Variants in SPTBN1 observed in about 807,000 individuals in gnomAD.
SPTBN1 encodes spectrin beta chain, non-erythrocytic 1.
In SPTBN1, 32 loss-of-function variants were observed where a neutral mutation model predicts 266.4. That is an observed-to-expected ratio of 0.12 (90% CI 0.09 to 0.16). The LOEUF is 0.16. Ranked by LOEUF, SPTBN1 falls within the 10% of genes least tolerant of loss-of-function variation. The pLI is 1.00. For missense variants in SPTBN1, 2,296 were observed against 3,067.1 expected (o/e 0.75, Z 5.94); for synonymous variants, 1,336 against 1,162.2 (o/e 1.15, Z -3.04).
Position 54,558,388 on chromosome 2 carries a change from G to C in SPTBN1, c.148+31822G>C, listed in dbSNP as rs1027359481. On this transcript the variant is annotated intron_variant, in intron 2 of 35. Coordinates refer to ENST00000356805, the MANE Select transcript of SPTBN1 (RefSeq NM_003128.3). This position sits in a 1 kb window ranked among gnomAD's most constrained non-coding sequence, Gnocchi z 4.6. ...AACCGGCGGCCGCCGCGGGCAGCTG[G>C]GAGGAGGTGTGCGCGCTGCGCCCGC... 5 of 1,008,920 alleles carry C rather than the reference G, an allele frequency of 5.0e-6. No homozygotes were observed. The highest frequency in any genetic ancestry group is 5.9e-6 in the Non-Finnish European group (5 of 845,204). The allele number at this position is 1,008,920 out of a possible 1,614,324, so 62.5% of individuals were successfully genotyped here. A position where few individuals can be genotyped will look rare whatever the true frequency, so the allele number is the denominator to read the frequency against.
At chr2:54,633,433 G>GTGTCTGTC (rs35720306) in intron 17 of SPTBN1, among the ~76,000 whole-genome samples, 6,445 of 151,770 alleles carry the variant, frequency 0.042, 430 homozygotes, top group African/African-American at 0.14. Context: ...GTGCGTGTGT[G>GTGTCTGTC]TGTCTGTCTG....
At chr2:54,560,483 T>TGCTC (rs1466467226) in intron 2 of SPTBN1, among the ~76,000 whole-genome samples, 2 of 152,088 alleles carry the variant, frequency 1.3e-5, no homozygotes, top group Non-Finnish European at 2.9e-5. Context: ...GTTTTAAAAC[T>TGCTC]GCTCGCCGAG....
intron 19 of SPTBN1, among the ~76,000 whole-genome samples, chr2:54,643,873 T>C (rs145292417): frequency 5.5e-4 from 84 of 152,132 alleles, no homozygotes; most frequent in Middle Eastern, 3.4e-3. Context: ...ATCGCAGCTA[T>C]TGGGGAGGCT....
chr2:54,526,578 A>G lies in SPTBN1; in HGVS notation c.148+12A>G. The G allele has an allele frequency of 6.2e-7, 1 of 1,609,996 alleles. No individual in the cohort carries two copies. Among genetic ancestry groups the G allele is most frequent in the Non-Finnish European group, 8.5e-7 (1 of 1,177,532 alleles). Reference sequence around the variant, plus strand: ...CAAGGCTCTGGCAGGTGAGTCCTTCACACCTGTCACAGAGGCCCAGGATGC... The same window carrying G: ...CAAGGCTCTGGCAGGTGAGTCCTTCGCACCTGTCACAGAGGCCCAGGATGC... On this transcript the variant is annotated intron_variant, in intron 2 of 35. Coordinates refer to ENST00000356805, the MANE Select transcript of SPTBN1 (RefSeq NM_003128.3).
At chr2:54,529,457 AAG>A in intron 2 of SPTBN1, 1 of 713,546 alleles carries the variant, frequency 1.4e-6, no homozygotes. Context: ...CCACAAAAAA[AAG>A]AAGATCCGCA....
Position 54,626,183 on chromosome 2 carries a change from G to C in SPTBN1, c.1593G>C (p.Gln531His). Reference sequence around the variant, plus strand: ...GGCTCGAGATGAACCTGGGGCTGCAGAAGATATTCCAGGAAATGCTCTACA... The same window carrying C: ...GGCTCGAGATGAACCTGGGGCTGCACAAGATATTCCAGGAAATGCTCTACA... The part of the protein sequence containing the change: ...RQRLEMNLGL[Q>H]KIFQEMLYIM... Residue 531 changes from glutamine to histidine, a missense_variant, in exon 12 of 36, where the codon CAG (glutamine) becomes CAC (histidine). Physicochemically the swap from Gln to His is conservative, Grantham distance 24. This residue lies in a region of SPTBN1 where 434 missense variants were observed against 573.9 expected (regional missense o/e 0.76). Transcript: ENST00000356805. This position sits in a 1 kb window ranked among gnomAD's most constrained non-coding sequence, Gnocchi z 4.7. 1 of 1,614,218 alleles carries C rather than the reference G, an allele frequency of 6.2e-7. No homozygotes were observed. Among genetic ancestry groups the C allele is most frequent in the Non-Finnish European group, 8.5e-7 (1 of 1,180,050 alleles).
chr2:54,499,746 C>G (rs1669150635), intron 1 of SPTBN1, among the ~76,000 whole-genome samples: 1 of 152,188 alleles, frequency 6.6e-6, no homozygotes, highest in Admixed American at 6.5e-5. Context: ...TTCACATCTG[C>G]ACATGATTAT....
chr2:54,631,290 C>G lies in SPTBN1; in HGVS notation c.3243C>G (p.Thr1081=). Residue 1081 remains threonine, a synonymous_variant, in exon 16 of 36, where the codon ACC becomes ACG. Transcript: ENST00000356805. The part of the protein sequence containing the change: ...LDDFQSWLSR[T]QTAIASEDMP... The stretch of plus-strand genomic sequence containing the variant: ...ACTTCCAGTCCTGGCTCTCTAGGAC[C>G]CAGACAGCGATCGCCTCGGAGGACA... 1 of 1,614,200 alleles carries G rather than the reference C, an allele frequency of 6.2e-7. No individual in the cohort carries two copies.
chr2:54,627,936 C>T (rs1558443097), intron 12 of SPTBN1, among the ~76,000 whole-genome samples, 161 bp from the exon 13 acceptor site: 1 of 152,070 alleles, frequency 6.6e-6, no homozygotes, highest in Non-Finnish European at 1.5e-5. Flanking sequence ...TTGTTTTGTT[C>T]TGGTTTGTTG....
At chr2:54,629,827 C>T in intron 14 of SPTBN1, 24 bp downstream of exon 14, 1 of 1,611,382 alleles carries the variant, frequency 6.2e-7, no homozygotes, top group Admixed American at 1.7e-5. Flanking sequence ...TGGTCAGCCA[C>T]TGGCCTGTTC....
intron 1 of SPTBN1, among the ~76,000 whole-genome samples, chr2:54,518,671 A>G (rs2104273552): frequency 6.6e-6 from 1 of 152,300 alleles, no homozygotes. Context: ...TGTTTGCAGA[A>G]CATTTGGGTC....
intron 2 of SPTBN1, among the ~76,000 whole-genome samples, chr2:54,530,093 C>T (rs1671125926): frequency 6.6e-6 from 1 of 152,040 alleles, no homozygotes; most frequent in Non-Finnish European, 1.5e-5. Flanking sequence ...TCCTGTGTCC[C>T]TCTAGGGCTT....
intron 2 of SPTBN1, among the ~76,000 whole-genome samples, chr2:54,576,576 C>G (rs1282409419): frequency 6.6e-6 from 1 of 152,192 alleles, no homozygotes; most frequent in Non-Finnish European, 1.5e-5. Flanking sequence ...TGATGCGCCA[C>G]AGCTGCCTGG....
rs911127108 is a variant in SPTBN1, at chr2:54,645,166, T to G, written c.4270-63T>G. 1.1e-5 allele frequency: 17 copies of G among 1,575,782 alleles called. No individual in the cohort carries two copies. The highest frequency in any genetic ancestry group is 3.4e-5 in the Admixed American group (2 of 59,474). ...CAAGTCCCAGGCCCAGCAGTTCTGC[T>G]TAGAGCCAGTCACTGCAAAAGATAG... is the stretch of plus-strand genomic sequence containing the variant. On this transcript the variant is annotated intron_variant, in intron 20 of 35. Transcript: ENST00000356805. The surrounding 1 kb of genome is among the most constrained non-coding windows in gnomAD (Gnocchi z 4.3).
At chr2:54,513,965 C>G (rs930761206) in intron 1 of SPTBN1, among the ~76,000 whole-genome samples, 6 of 152,074 alleles carry the variant, frequency 3.9e-5, no homozygotes, top group African/African-American at 1.2e-4. Context: ...TTAGGACTTA[C>G]AAAATTATAT....
intron 2 of SPTBN1, among the ~76,000 whole-genome samples, chr2:54,560,468 G>A (rs749552831): frequency 2.0e-5 from 3 of 152,146 alleles, no homozygotes; most frequent in Non-Finnish European, 4.4e-5. Context: ...AAAGGGCTGA[G>A]GAAGGTTTTA....
At chr2:54,485,702 TGAG>T (rs1048473623) in intron 1 of SPTBN1, among the ~76,000 whole-genome samples, 14 of 149,352 alleles carry the variant, frequency 9.4e-5, no homozygotes, top group African/African-American at 3.2e-4. Context: ...GTCTGGAAAG[TGAG>T]GAGCGTCTCT....
At position 54,538,485 on chromosome 2, in the gene SPTBN1, A is replaced by G. The variant is rs545616483; in HGVS notation, c.148+11919A>G. Among the ~76,000 whole-genome samples, 24 of 152,392 alleles carry G rather than the reference A, an allele frequency of 1.6e-4. No homozygotes were observed. In the South Asian group the frequency reaches 4.8e-3, roughly 30 times the overall value. On this transcript the variant is annotated intron_variant, in intron 2 of 35. Transcript: ENST00000356805. Reference sequence around the variant, plus strand: ...GGGGAATAGACAATGTGTATAAAACAAGCAATGAATTAATATGAAAGTGTT... The same window carrying G: ...GGGGAATAGACAATGTGTATAAAACGAGCAATGAATTAATATGAAAGTGTT...
intron 7 of SPTBN1, 72 bp from the exon 8 acceptor site, chr2:54,621,328 C>G (rs1558436107): frequency 9.0e-7 from 1 of 1,105,514 alleles, no homozygotes; most frequent in Non-Finnish European, 1.4e-6. Context: ...GCAGTCGTTG[C>G]ATTTGTTCCT....
Sources: allele counts gnomAD v4.1 joint callset (sites outside exome capture counted in the v4.1 genomes callset), GRCh38; gene constraint gnomAD v4.1.1; regional missense constraint gnomAD v4.1.1; non-coding constraint Gnocchi (gnomAD v3.1); transcripts MANE v1.5; gene names NCBI Gene and HGNC (gene_info 2026-07-23, HGNC 2026-07-21).